FOXP1: variants seen among roughly 807,000 people sequenced by gnomAD.
FOXP1 encodes forkhead box P1, also known as forkhead box protein P1.
Under a neutral mutation model 98.2 loss-of-function variants are expected in FOXP1, and 15 were observed. The observed-to-expected ratio is 0.15, with a 90% CI of 0.10 to 0.24. FOXP1 has a LOEUF of 0.24. Ranked by LOEUF, FOXP1 falls within the 10% of genes least tolerant of loss-of-function variation. FOXP1 has a pLI of 1.00. For missense variants in FOXP1, 633 were observed against 848.5 expected (o/e 0.75, Z 3.15); for synonymous variants, 371 against 314.5 (o/e 1.18, Z -1.90).
chr3:71,573,891 GTTAA>G (rs1399541479), intron 2 of FOXP1: 1 of 152,112 alleles, frequency 6.6e-6, no homozygotes, highest in Non-Finnish European at 1.5e-5. Context: ...TGAAATATCA[GTTAA>G]TTACTTAACC....
chr3:71,523,747 A>G (rs1307716004), intron 2 of FOXP1, among the ~76,000 whole-genome samples: 2 of 152,176 alleles, frequency 1.3e-5, no homozygotes, highest in East Asian at 1.9e-4. Flanking sequence ...AGGCATGGAT[A>G]CAGTTTTAGG....
intron 2 of FOXP1, among the ~76,000 whole-genome samples, chr3:71,536,810 T>G (rs937614643): frequency 3.5e-4 from 54 of 152,172 alleles, no homozygotes; most frequent in Admixed American, 3.4e-3. Flanking sequence ...TGATGATCGT[T>G]TGGTGTGGGT....
intron 9 of FOXP1, 51 bp downstream of exon 9, chr3:71,052,486 G>C: frequency 1.1e-6 from 1 of 872,150 alleles, no homozygotes. Flanking sequence ...ATAGCCACTA[G>C]ATAGTCCTCT....
chr3:71,277,247 C>T lies in FOXP1; in HGVS notation c.-12+22573G>A, dbSNP rs144458686. Among the ~76,000 whole-genome samples the T allele has an allele frequency of 1.3e-3, 196 of 150,766 alleles. No individual in the cohort carries two copies. In the Middle Eastern group the frequency reaches 0.014, roughly 11 times the overall value. ...TGCTGGGATTACAGGCATGAGCCAC[C>T]GCACCTGGCTGAACTTTTTTTTTTT... is the stretch of plus-strand genomic sequence containing the variant. On this transcript the variant is annotated intron_variant, in intron 5 of 20. Coordinates refer to ENST00000649528, the MANE Select transcript of FOXP1 (RefSeq NM_001349338.3).
intron 3 of FOXP1, among the ~76,000 whole-genome samples, chr3:71,363,698 T>TG (rs1285565354): frequency 6.6e-6 from 1 of 152,212 alleles, no homozygotes; most frequent in Non-Finnish European, 1.5e-5. Flanking sequence ...GGTCAGTCTG[T>TG]GGCAAAGACC....
At chr3:71,152,076 G>C (rs1262048420) in intron 6 of FOXP1, among the ~76,000 whole-genome samples, 1 of 152,152 alleles carries the variant, frequency 6.6e-6, no homozygotes, top group Non-Finnish European at 1.5e-5. Flanking sequence ...TTCCTCTGTG[G>C]GCCTGGCCTA....
chr3:71,543,052 A>G (rs1380748612), intron 2 of FOXP1, among the ~76,000 whole-genome samples: 1 of 152,198 alleles, frequency 6.6e-6, no homozygotes, highest in African/African-American at 2.4e-5. Flanking sequence ...TTACATATGC[A>G]AAACTGTGAA....
At chr3:71,225,715 T>C (rs1180196293) in intron 5 of FOXP1, among the ~76,000 whole-genome samples, 1 of 152,228 alleles carries the variant, frequency 6.6e-6, no homozygotes, top group East Asian at 1.9e-4. Context: ...CTCTGCCCAC[T>C]TGCTTTCCCC....
intron 20 of FOXP1, among the ~76,000 whole-genome samples, chr3:70,963,509 T>C (rs2034052167): frequency 1.3e-5 from 2 of 152,192 alleles, no homozygotes; most frequent in African/African-American, 4.8e-5. Context: ...GGGCTGTGTA[T>C]GATGCACCTT....
chr3:71,263,938 A>G (rs2069402523), intron 5 of FOXP1, among the ~76,000 whole-genome samples: 1 of 149,528 alleles, frequency 6.7e-6, no homozygotes, highest in South Asian at 2.1e-4. Context: ...TAAATTAGAG[A>G]TGAGGTCTCA....
intron 4 of FOXP1, among the ~76,000 whole-genome samples, chr3:71,320,139 C>T (rs1481799676): frequency 1.3e-5 from 2 of 152,104 alleles, no homozygotes; most frequent in African/African-American, 2.4e-5. Flanking sequence ...TCCCAGACAG[C>T]TTCCCCAGTC....
rs2063297510 is a variant in FOXP1 at position 71,196,322 on chromosome 3, T to C, written c.180+1880A>G. On this transcript the variant is annotated intron_variant, in intron 6 of 20. Transcript: ENST00000649528. Reference sequence around the variant, plus strand: ...TTTTAAGGAAGATGTTGGTGAAATATGCTTTTATAATTTTATTCTATGTAG... The same window carrying C: ...TTTTAAGGAAGATGTTGGTGAAATACGCTTTTATAATTTTATTCTATGTAG... Among the ~76,000 whole-genome samples, 3 of 152,362 alleles carry C rather than the reference T, an allele frequency of 2.0e-5. No individual in the cohort carries two copies. The East Asian group carries it at 5.8e-4, about 29-fold the overall frequency.
intron 6 of FOXP1, among the ~76,000 whole-genome samples, chr3:71,183,514 C>CA (rs929253015): frequency 7.3e-5 from 11 of 151,694 alleles, no homozygotes; most frequent in African/African-American, 1.2e-4. Flanking sequence ...CAAAACAAAA[C>CA]AAAAAAAACC....
In FOXP1 at chr3:71,583,670, T is replaced by G. The variant is rs1256182060; in HGVS notation, c.-546A>C. On this transcript the variant is annotated 5_prime_UTR_variant, in exon 1 of 21. Coordinates refer to ENST00000649528, the MANE Select transcript of FOXP1 (RefSeq NM_001349338.3). Reference sequence around the variant, plus strand: ...GCGCGCACCCCGCGCACACACTCACTCGCGCACACACGCGCGCACACACGC... The same window carrying G: ...GCGCGCACCCCGCGCACACACTCACGCGCGCACACACGCGCGCACACACGC... The G allele has an allele frequency of 7.1e-6, 7 of 983,608 alleles. No homozygotes were observed. In the African/African-American group the frequency reaches 8.8e-5, roughly 12 times the overall value. The allele number at this position is 983,608 out of a possible 1,614,324, so 60.9% of individuals were successfully genotyped here. A position where few individuals can be genotyped will look rare whatever the true frequency, so the allele number is the denominator to read the frequency against.
intron 5 of FOXP1, among the ~76,000 whole-genome samples, chr3:71,266,995 T>A (rs1197485495): frequency 6.6e-6 from 1 of 152,166 alleles, no homozygotes; most frequent in Non-Finnish European, 1.5e-5. Context: ...AGGAGTGAAT[T>A]TAATCCTTCA....
chr3:71,473,649 G>C (rs989788493), intron 3 of FOXP1, among the ~76,000 whole-genome samples: 1 of 141,010 alleles, frequency 7.1e-6, no homozygotes, highest in Non-Finnish European at 1.5e-5. Context: ...GAAAGAAAGA[G>C]AACAAAAGGA....
chr3:71,064,562 G>C (rs990943026), intron 7 of FOXP1, among the ~76,000 whole-genome samples: 2 of 151,904 alleles, frequency 1.3e-5, no homozygotes, highest in East Asian at 1.9e-4. Context: ...AAAGAGCAAG[G>C]GGGGTGGGGG....
At chr3:71,264,437 G>C (rs751433580) in intron 5 of FOXP1, among the ~76,000 whole-genome samples, 1 of 152,166 alleles carries the variant, frequency 6.6e-6, no homozygotes, top group African/African-American at 2.4e-5. Context: ...CTCAAATGAG[G>C]ATGAGAAATG....
intron 2 of FOXP1, among the ~76,000 whole-genome samples, chr3:71,531,681 T>C (rs1353366565): frequency 6.6e-6 from 1 of 152,202 alleles, no homozygotes; most frequent in Admixed American, 6.5e-5. Context: ...AGAGGAATGA[T>C]TTATCATTTC....
Sources: allele counts gnomAD v4.1 joint callset (sites outside exome capture counted in the v4.1 genomes callset), GRCh38; gene constraint gnomAD v4.1.1; transcripts MANE v1.5; gene names NCBI Gene and HGNC (gene_info 2026-07-23, HGNC 2026-07-21).